Variants in GRIK2 observed in about 807,000 individuals in gnomAD.
The protein encoded by GRIK2 is glutamate receptor ionotropic, kainate 2.
Under a neutral mutation model 100.3 loss-of-function variants are expected in GRIK2, and 32 were observed. That is an observed-to-expected ratio of 0.32 (90% CI 0.24 to 0.43). The LOEUF is 0.43. GRIK2 is among the 20% of genes least tolerant of loss of function. The probability of loss-of-function intolerance (pLI) is 1.00; values close to 1 mark genes in which losing one functional copy is unlikely to be tolerated. For synonymous variants in GRIK2, 417 were observed against 389.4 expected (o/e 1.07, Z -0.83); for missense variants, 843 against 1,114.9 (o/e 0.76, Z 3.47).
intron 9 of GRIK2, among the ~76,000 whole-genome samples, chr6:101,815,133 TAAC>T (rs1208617889): frequency 6.6e-6 from 1 of 152,054 alleles, no homozygotes; most frequent in African/African-American, 2.4e-5. Context: ...GCTGGGCCAT[TAAC>T]AACAAGGCTA....
intron 7 of GRIK2, among the ~76,000 whole-genome samples, chr6:101,699,000 T>A (rs1772690063): frequency 6.6e-6 from 1 of 152,110 alleles, no homozygotes; most frequent in African/African-American, 2.4e-5. Context: ...CTGTGATAAG[T>A]CAAAGAAACT....
At chr6:101,915,051 A>T (rs944949901) in intron 12 of GRIK2, among the ~76,000 whole-genome samples, 2 of 151,506 alleles carry the variant, frequency 1.3e-5, no homozygotes, top group African/African-American at 4.8e-5. Flanking sequence ...ACTGAAATTA[A>T]TTATAGCTAG....
At chr6:101,991,963 T>C (rs1463941356) in intron 14 of GRIK2, among the ~76,000 whole-genome samples, 1 of 151,564 alleles carries the variant, frequency 6.6e-6, no homozygotes, top group Admixed American at 6.6e-5. Flanking sequence ...AAAGAGGATA[T>C]ATGTAAATGT....
chr6:101,929,947 A>C (rs974478674), intron 14 of GRIK2, among the ~76,000 whole-genome samples: 1 of 152,198 alleles, frequency 6.6e-6, no homozygotes, highest in African/African-American at 2.4e-5. Context: ...CTATTTGACT[A>C]TATTAATTGC....
intron 4 of GRIK2, among the ~76,000 whole-genome samples, chr6:101,644,706 A>G (rs1341220018): frequency 6.6e-6 from 1 of 151,892 alleles, no homozygotes; most frequent in Non-Finnish European, 1.5e-5. Context: ...TTTTTAATTC[A>G]TATAATGTAT....
intron 2 of GRIK2, among the ~76,000 whole-genome samples, chr6:101,549,525 A>AT (rs1776409545): frequency 6.6e-6 from 1 of 151,974 alleles, no homozygotes; most frequent in Non-Finnish European, 1.5e-5. Flanking sequence ...CACCTTCCCA[A>AT]TATTTTTCCA....
At chr6:102,058,681 A>G (rs1199472094) in intron 16 of GRIK2, among the ~76,000 whole-genome samples, 1 of 151,520 alleles carries the variant, frequency 6.6e-6, no homozygotes, top group African/African-American at 2.4e-5. Context: ...ACATACAGAA[A>G]TTCAGTTTAC....
At chr6:101,925,741 A>G (rs1789847147) in intron 13 of GRIK2, among the ~76,000 whole-genome samples, 1 of 152,006 alleles carries the variant, frequency 6.6e-6, no homozygotes, top group South Asian at 2.1e-4. Context: ...TCCACTTTGA[A>G]GAAATTCATT....
intron 2 of GRIK2, among the ~76,000 whole-genome samples, chr6:101,444,790 A>G (rs1770271876): frequency 2.0e-5 from 3 of 152,118 alleles, no homozygotes; most frequent in Non-Finnish European, 4.4e-5. Context: ...TTACTGAATC[A>G]TGATCATTTC....
chr6:101,562,322 A>G (rs1777060504), intron 2 of GRIK2, among the ~76,000 whole-genome samples: 1 of 152,006 alleles, frequency 6.6e-6, no homozygotes, highest in South Asian at 2.1e-4. Context: ...TGGACACGGC[A>G]TCACACAGTT....
At chr6:101,718,322 G>C (rs1007522325) in intron 7 of GRIK2, among the ~76,000 whole-genome samples, 26 of 151,738 alleles carry the variant, frequency 1.7e-4, no homozygotes, top group Admixed American at 1.6e-3. Flanking sequence ...TTGGGTGCCA[G>C]ATACAAATTA....
chr6:101,427,110 G>C (rs1353223047), intron 2 of GRIK2, among the ~76,000 whole-genome samples: 1 of 152,160 alleles, frequency 6.6e-6, no homozygotes, highest in Non-Finnish European at 1.5e-5. Context: ...GGAAGGCCTT[G>C]GGGAAGGTTG....
At chr6:102,016,008 G>T (rs1305152983) in intron 14 of GRIK2, among the ~76,000 whole-genome samples, 2 of 152,036 alleles carry the variant, frequency 1.3e-5, no homozygotes, top group Admixed American at 1.3e-4. Flanking sequence ...AATCCAAAGG[G>T]CAGCAACTTT....
At chr6:101,964,880 T>TAGAG (rs763521134) in intron 14 of GRIK2, among the ~76,000 whole-genome samples, 11 of 151,864 alleles carry the variant, frequency 7.2e-5, no homozygotes, top group Non-Finnish European at 1.3e-4. Flanking sequence ...GAGTCAGGCA[T>TAGAG]AGAGAGAGAG....
intron 2 of GRIK2, among the ~76,000 whole-genome samples, chr6:101,570,647 A>G (rs1041541231): frequency 2.6e-5 from 4 of 152,078 alleles, no homozygotes; most frequent in Non-Finnish European, 5.9e-5. Context: ...TAGAACCACT[A>G]ATTTGAGTTA....
At chr6:101,439,058 T>C (rs1055446742) in intron 2 of GRIK2, among the ~76,000 whole-genome samples, 1 of 152,168 alleles carries the variant, frequency 6.6e-6, no homozygotes, top group Non-Finnish European at 1.5e-5. Context: ...ATAGGCTACA[T>C]AGATATCTTA....
chr6:101,996,883 A>AT (rs1321543139), intron 14 of GRIK2, among the ~76,000 whole-genome samples: 1 of 152,026 alleles, frequency 6.6e-6, no homozygotes, highest in East Asian at 1.9e-4. Context: ...GAATTTCTCG[A>AT]TTTTTCAGAT....
intron 4 of GRIK2, among the ~76,000 whole-genome samples, chr6:101,640,921 A>C (rs1411865350): frequency 1.3e-5 from 2 of 152,160 alleles, no homozygotes; most frequent in African/African-American, 4.8e-5. Flanking sequence ...ATGTAAAACA[A>C]ATTTAAAATG....
chr6:101,756,011 A>G (rs1260080807), intron 7 of GRIK2, among the ~76,000 whole-genome samples: 1 of 152,188 alleles, frequency 6.6e-6, no homozygotes, highest in African/African-American at 2.4e-5. Flanking sequence ...GCACTTCATT[A>G]GAAAGGTTTT....
Sources: allele counts gnomAD v4.1 joint callset (sites outside exome capture counted in the v4.1 genomes callset), GRCh38; gene constraint gnomAD v4.1.1; transcripts MANE v1.5; gene names NCBI Gene and HGNC (gene_info 2026-07-23, HGNC 2026-07-21).